The following SIPA1L3 variants were observed in gnomAD, a reference collection of about 807,000 sequenced individuals.
SIPA1L3 encodes signal-induced proliferation-associated 1-like protein 3.
Under a neutral mutation model 150.1 loss-of-function variants are expected in SIPA1L3, and 59 were observed. The ratio of observed to expected loss-of-function variants is 0.39; its 90% CI spans 0.32 to 0.49. The LOEUF (loss-of-function observed/expected upper bound fraction) is 0.49. SIPA1L3 is among the 20% of genes least tolerant of loss of function. The pLI is 0.86. For missense variants in SIPA1L3, 2,211 were observed against 2,489.5 expected (o/e 0.89, Z 2.38); for synonymous variants, 1,070 against 1,077.6 (o/e 0.99, Z 0.14).
intron 15 of SIPA1L3, chr19:38,173,691 G>A (rs1972378132): frequency 6.6e-6 from 1 of 152,264 alleles, no homozygotes; most frequent in African/African-American, 2.4e-5. Context: ...AGGGCCTGAA[G>A]ATCCACCGGG....
rs562877746 is a variant in SIPA1L3, at chr19:37,925,948, C to T, written c.-379+18590C>T. On this transcript the variant is annotated intron_variant, in intron 1 of 21. Transcript: ENST00000222345. ...TGACCACATGTACAAGGAACCAAAGCAACAAAAATAGGGCACCCAGTTCCC... is the reference window on the plus strand; with the variant it reads ...TGACCACATGTACAAGGAACCAAAGTAACAAAAATAGGGCACCCAGTTCCC... Among the ~76,000 whole-genome samples the T allele has an allele frequency of 8.5e-5, 13 of 152,228 alleles. No individual in the cohort carries two copies. The East Asian group carries it at 2.3e-3, about 27-fold the overall frequency.
intron 8 of SIPA1L3, among the ~76,000 whole-genome samples, chr19:38,112,492 A>G (rs181398144): frequency 1.8e-3 from 269 of 152,192 alleles, no homozygotes; most frequent in Non-Finnish European, 2.7e-3. Flanking sequence ...TCGCCTCTGC[A>G]TGGTCTCCAG....
At chr19:38,193,900 C>G in intron 18 of SIPA1L3, 120 bp downstream of exon 18, 1 of 1,171,160 alleles carries the variant, frequency 8.5e-7, no homozygotes, top group South Asian at 1.8e-5. Flanking sequence ...GGGGCCATCT[C>G]AGGGAGGAAT....
chr19:38,100,852 C>T (rs372673814), intron 5 of SIPA1L3, among the ~76,000 whole-genome samples, 200 bp from the exon 6 acceptor site: 3 of 152,246 alleles, frequency 2.0e-5, no homozygotes, highest in African/African-American at 7.2e-5. Context: ...TTGTGCTTCT[C>T]TGGAGTGGAA....
At chr19:38,114,284 A>G (rs897624261) in intron 8 of SIPA1L3, among the ~76,000 whole-genome samples, 11 of 152,124 alleles carry the variant, frequency 7.2e-5, no homozygotes, top group Middle Eastern at 3.4e-3. Context: ...TTAGCCAGTC[A>G]TGGTGGCACA....
At chr19:38,048,181 G>A (rs939353371) in intron 2 of SIPA1L3, among the ~76,000 whole-genome samples, 3 of 152,142 alleles carry the variant, frequency 2.0e-5, no homozygotes, top group Non-Finnish European at 4.4e-5. Context: ...CTGCTTTGTG[G>A]TTCTCAGTCA....
chr19:38,137,107 G>A (rs550964379), intron 10 of SIPA1L3, among the ~76,000 whole-genome samples: 15 of 152,244 alleles, frequency 9.9e-5, no homozygotes, highest in African/African-American at 3.4e-4. Context: ...AGGTGATAAC[G>A]GGGCTAGAAT....
intron 2 of SIPA1L3, among the ~76,000 whole-genome samples, chr19:38,070,612 A>C (rs1173374842): frequency 6.6e-6 from 1 of 152,242 alleles, no homozygotes; most frequent in Non-Finnish European, 1.5e-5. Context: ...AATGGTGAAT[A>C]AATGAATATG....
At chr19:37,933,150 G>A (rs983155886) in intron 1 of SIPA1L3, among the ~76,000 whole-genome samples, 1 of 149,018 alleles carries the variant, frequency 6.7e-6, no homozygotes, top group Admixed American at 6.7e-5. Context: ...CCCAACCCCA[G>A]GCCCCCATTT....
intron 18 of SIPA1L3, among the ~76,000 whole-genome samples, chr19:38,195,792 G>GGCCCC (rs1972909893): frequency 8.8e-5 from 2 of 22,804 alleles, no homozygotes; most frequent in African/African-American, 5.1e-4. Context: ...CACAGGCCCC[G>GGCCCC]TCCCCCCCCG....
At chr19:38,165,159 C>G (rs1162546106) in intron 15 of SIPA1L3, among the ~76,000 whole-genome samples, 2 of 152,150 alleles carry the variant, frequency 1.3e-5, no homozygotes, top group African/African-American at 4.8e-5. Context: ...CTCTGGTTCT[C>G]TCTGACCCTC....
chr19:37,946,655 G>T (rs1201411184), intron 1 of SIPA1L3, among the ~76,000 whole-genome samples: 1 of 151,720 alleles, frequency 6.6e-6, no homozygotes, highest in Non-Finnish European at 1.5e-5. Context: ...TTGTTATGTT[G>T]CAAATTTATA....
chr19:37,948,969 G>A lies in SIPA1L3; in HGVS notation c.-379+41611G>A, dbSNP rs79588148. 7.0e-3 allele frequency among the ~76,000 whole-genome samples: 1,067 copies of A among 152,324 alleles called. 33 individuals carry two copies. Among genetic ancestry groups the A allele is most frequent in the East Asian group, 0.068 (354 of 5,180 alleles). On this transcript the variant is annotated intron_variant, in intron 1 of 21. Coordinates refer to ENST00000222345, the MANE Select transcript of SIPA1L3 (RefSeq NM_015073.3). Reference sequence around the variant, plus strand: ...TCACAGATGCCACTGTGGCAGGAGGGCAGCGGGGGAGAATGGCAGGAGATG... The same window carrying A: ...TCACAGATGCCACTGTGGCAGGAGGACAGCGGGGGAGAATGGCAGGAGATG...
chr19:37,927,080 G>A (rs2046510297), intron 1 of SIPA1L3, among the ~76,000 whole-genome samples: 2 of 151,182 alleles, frequency 1.3e-5, no homozygotes, highest in South Asian at 4.2e-4. Context: ...TGATGCTGAG[G>A]TTTGGGGTAC....
intron 1 of SIPA1L3, among the ~76,000 whole-genome samples, chr19:37,959,852 C>G (rs575388172): frequency 1.4e-5 from 2 of 144,006 alleles, no homozygotes; most frequent in East Asian, 4.1e-4. Context: ...CTCTAGGGAT[C>G]ACAGCATGCG....
chr19:38,112,144 C>G (rs1162518498), intron 8 of SIPA1L3, among the ~76,000 whole-genome samples: 2 of 150,764 alleles, frequency 1.3e-5, no homozygotes, highest in African/African-American at 4.9e-5. Context: ...CACACCTGCA[C>G]ACAGGCACAT....
At position 38,082,471 on chromosome 19, in the gene SIPA1L3, T is replaced by A; in HGVS notation, c.906T>A (p.Phe302Leu). The change falls in exon 3 of 22, where the codon TTT (phenylalanine) becomes TTA (leucine). Residue 302 changes from phenylalanine to leucine, a missense_variant. This residue lies in a region of SIPA1L3 where 587 missense variants were observed against 534.5 expected (regional missense o/e 1.10). Coordinates refer to ENST00000222345, the MANE Select transcript of SIPA1L3 (RefSeq NM_015073.3). ...GGGDTVDSSI[F>L]RKLRSSKPEG... ...GGGACACGGTGGACTCGTCCATCTT[T>A]CGGAAGCTAAGGAGCAGCAAACCCG... 1 of 1,590,580 alleles carries A rather than the reference T, an allele frequency of 6.3e-7. No homozygotes were observed. Among genetic ancestry groups the A allele is most frequent in the Non-Finnish European group, 8.6e-7 (1 of 1,168,354 alleles).
intron 15 of SIPA1L3, among the ~76,000 whole-genome samples, chr19:38,178,089 GTGTGT>G (rs1568594681): frequency 5.8e-3 from 47 of 8,102 alleles, no homozygotes; most frequent in African/African-American, 0.024. Flanking sequence ...GGCTTTTGGT[GTGTGT>G]GTGTGTGTGT....
At chr19:37,979,011 C>T (rs1021193860) in intron 1 of SIPA1L3, among the ~76,000 whole-genome samples, 33 of 151,972 alleles carry the variant, frequency 2.2e-4, no homozygotes, top group Admixed American at 5.9e-4. Context: ...CCCTTCCACA[C>T]CCAAACCCTT....
Sources: allele counts gnomAD v4.1 joint callset (sites outside exome capture counted in the v4.1 genomes callset), GRCh38; gene constraint gnomAD v4.1.1; regional missense constraint gnomAD v4.1.1; transcripts MANE v1.5; gene names NCBI Gene and HGNC (gene_info 2026-07-23, HGNC 2026-07-21).